Variants in SLC2A13 observed in about 807,000 individuals in gnomAD.
SLC2A13 encodes the protein solute carrier family 2 member 13, also known as proton myo-inositol cotransporter.
In SLC2A13, 32 loss-of-function variants were observed where a neutral mutation model predicts 64.4. That is an observed-to-expected ratio of 0.50 (90% confidence interval 0.37 to 0.67). The LOEUF (loss-of-function observed/expected upper bound fraction) is 0.67. SLC2A13 is among the 30% of genes least tolerant of loss of function. The probability of loss-of-function intolerance (pLI) is 0.00; values close to 1 mark genes in which losing one functional copy is unlikely to be tolerated. For synonymous variants in SLC2A13, 338 were observed against 327.1 expected (o/e 1.03, Z -0.36); for missense variants, 743 against 829.2 (o/e 0.90, Z 1.28).
chr12:40,057,946 C>A lies in SLC2A13; in HGVS notation c.557-9736G>T, dbSNP rs1056774055. On this transcript the variant is annotated intron_variant, in intron 1 of 9. Coordinates refer to ENST00000280871, the MANE Select transcript of SLC2A13 (RefSeq NM_052885.4). ...TGGTAAAAATAATAAAAGCCACCCACCAACGGATATTATCTTCATCAACCA... is the reference window on the plus strand; with the variant it reads ...TGGTAAAAATAATAAAAGCCACCCAACAACGGATATTATCTTCATCAACCA... Among the ~76,000 whole-genome samples, 5 of 152,060 alleles carry A rather than the reference C, an allele frequency of 3.3e-5. No individual in the cohort carries two copies. In the South Asian group the frequency reaches 1.0e-3, roughly 32 times the overall value.
chr12:39,925,616 G>C (rs1263719964), intron 4 of SLC2A13, among the ~76,000 whole-genome samples: 1 of 152,060 alleles, frequency 6.6e-6, no homozygotes, highest in Non-Finnish European at 1.5e-5. Flanking sequence ...AAGCTAGGAA[G>C]CTATGGTTCA....
At chr12:39,995,421 T>A (rs1947210503) in intron 3 of SLC2A13, among the ~76,000 whole-genome samples, 1 of 151,846 alleles carries the variant, frequency 6.6e-6, no homozygotes, top group Admixed American at 6.6e-5. Flanking sequence ...CCGCTACCCT[T>A]CCCATCCTCC....
chr12:39,866,561 C>A (rs1943916492), intron 5 of SLC2A13, among the ~76,000 whole-genome samples: 1 of 152,030 alleles, frequency 6.6e-6, no homozygotes, highest in African/African-American at 2.4e-5. Context: ...TCACTGCAGG[C>A]TCCGCCCCCC....
At chr12:40,038,008 C>T (rs142330272) in intron 2 of SLC2A13, among the ~76,000 whole-genome samples, 2,119 of 152,234 alleles carry the variant, frequency 0.014, 128 homozygotes, top group Admixed American at 0.095. Context: ...TTGACCTCTG[C>T]TCTTTAATAT....
At chr12:39,776,754 T>C (rs1345561451) in intron 7 of SLC2A13, among the ~76,000 whole-genome samples, 1 of 152,188 alleles carries the variant, frequency 6.6e-6, no homozygotes, top group East Asian at 1.9e-4. Flanking sequence ...TTTTTAACTT[T>C]CCTATGCACC....
At chr12:39,943,492 G>A (rs1487357619) in intron 4 of SLC2A13, among the ~76,000 whole-genome samples, 1 of 152,214 alleles carries the variant, frequency 6.6e-6, no homozygotes, top group African/African-American at 2.4e-5. Flanking sequence ...GGCTACAGTG[G>A]CTTTGCTGAG....
chr12:39,797,523 C>T (rs567293173), intron 7 of SLC2A13, among the ~76,000 whole-genome samples: 1 of 152,158 alleles, frequency 6.6e-6, no homozygotes, highest in Non-Finnish European at 1.5e-5. Context: ...AATAACCCAT[C>T]TCTTGTAAAG....
At chr12:39,976,126 A>G (rs551650663) in intron 3 of SLC2A13, among the ~76,000 whole-genome samples, 100 of 152,328 alleles carry the variant, frequency 6.6e-4, no homozygotes, top group African/African-American at 2.2e-3. Context: ...ACCCTTAGAT[A>G]AGCACCTGGG....
intron 7 of SLC2A13, among the ~76,000 whole-genome samples, chr12:39,809,512 AATT>A (rs1172540000): frequency 6.6e-6 from 1 of 151,982 alleles, no homozygotes; most frequent in Non-Finnish European, 1.5e-5. Flanking sequence ...CTTTTTTAAA[AATT>A]ATTATTATAC....
intron 7 of SLC2A13, among the ~76,000 whole-genome samples, chr12:39,781,162 C>G (rs1940969162): frequency 6.6e-6 from 1 of 152,136 alleles, no homozygotes; most frequent in Non-Finnish European, 1.5e-5. Flanking sequence ...AGCAATGAAA[C>G]AAAACTGTAA....
At chr12:39,769,175 AATT>A (rs1940469896) in intron 7 of SLC2A13, among the ~76,000 whole-genome samples, 1 of 152,072 alleles carries the variant, frequency 6.6e-6, no homozygotes, top group Non-Finnish European at 1.5e-5. Context: ...TTCTCTACTG[AATT>A]ATCTGCTTAT....
intron 7 of SLC2A13, among the ~76,000 whole-genome samples, chr12:39,803,056 AT>A (rs1237725361): frequency 1.3e-5 from 2 of 152,164 alleles, no homozygotes; most frequent in African/African-American, 4.8e-5. Context: ...ATTTGTATTA[AT>A]TTTCAGAAAG....
chr12:40,003,989 A>G (rs1947364948), intron 3 of SLC2A13, among the ~76,000 whole-genome samples: 1 of 151,944 alleles, frequency 6.6e-6, no homozygotes, highest in African/African-American at 2.4e-5. Context: ...GCAAAACTCC[A>G]TCTCAAAAAC....
At chr12:40,085,360 C>T (rs1308135370) in intron 1 of SLC2A13, among the ~76,000 whole-genome samples, 8 of 152,176 alleles carry the variant, frequency 5.3e-5, no homozygotes, top group Admixed American at 5.2e-4. Context: ...GTTCCAGAGA[C>T]CCAAATTTGC....
At position 40,057,615 on chromosome 12, in the gene SLC2A13, T is replaced by C. The variant is rs150684536; in HGVS notation, c.557-9405A>G. Among the ~76,000 whole-genome samples the C allele has an allele frequency of 3.6e-3, 541 of 152,304 alleles. 3 individuals carry two copies. Among genetic ancestry groups the C allele is most frequent in the Middle Eastern group, 0.027 (8 of 294 alleles). On this transcript the variant is annotated intron_variant, in intron 1 of 9. Coordinates refer to ENST00000280871, the MANE Select transcript of SLC2A13 (RefSeq NM_052885.4). ...CATTTTTCCAGTGGTTCTATTTTCTTAGTTCTAAGTAACATATTTCTTGAG... is the reference window on the plus strand; with the variant it reads ...CATTTTTCCAGTGGTTCTATTTTCTCAGTTCTAAGTAACATATTTCTTGAG...
In SLC2A13 at chr12:39,948,679, C is replaced by T. The variant is rs74568154; in HGVS notation, c.1034+2578G>A. The stretch of plus-strand genomic sequence containing the variant: ...AGGTAAACGACAGAATTTTCAAAAA[C>T]GTATTTCAACTTCTACACATTATTA... On this transcript the variant is annotated intron_variant, in intron 4 of 9. Transcript: ENST00000280871. 3.6e-3 allele frequency among the ~76,000 whole-genome samples: 550 copies of T among 152,110 alleles called. 8 individuals carry two copies. Among genetic ancestry groups the T allele is most frequent in the South Asian group, 0.034 (164 of 4,826 alleles).
rs1170552186 is a variant in SLC2A13, at chr12:39,764,721, CAA to C, written c.1567+14_1567+15del. 6 of 1,610,598 alleles carry C rather than the reference CAA, an allele frequency of 3.7e-6. No homozygotes were observed. Among genetic ancestry groups the C allele is most frequent in the Non-Finnish European group, 5.1e-6 (6 of 1,178,774 alleles). On this transcript the variant is annotated intron_variant, in intron 8 of 9. Transcript: ENST00000280871. ...CAATTCAATTAATGCAACAGTATAA[CAA>C]AGTCTTTGTTTACCAGGTGCAAAGA...
At chr12:40,071,072 A>C (rs978853579) in intron 1 of SLC2A13, among the ~76,000 whole-genome samples, 1 of 152,158 alleles carries the variant, frequency 6.6e-6, no homozygotes, top group Non-Finnish European at 1.5e-5. Flanking sequence ...ACATTTGCTA[A>C]ACCAGCAGAA....
intron 1 of SLC2A13, among the ~76,000 whole-genome samples, chr12:40,101,831 T>G (rs1469375455): frequency 6.6e-6 from 1 of 151,532 alleles, no homozygotes; most frequent in African/African-American, 2.4e-5. Flanking sequence ...TGTTTGTTTT[T>G]TTTTTTTAAT....
Sources: gnomAD v4.1 joint callset for allele counts (sites outside exome capture counted in the v4.1 genomes callset) on GRCh38, gnomAD v4.1.1 for gene constraint, MANE v1.5 for transcripts, NCBI Gene and HGNC (gene_info 2026-07-23, HGNC 2026-07-21) for gene names.